JAKMIP1: variants seen among roughly 807,000 people sequenced by gnomAD.
JAKMIP1 encodes janus kinase and microtubule interacting protein 1.
A neutral mutation model predicts 113.0 loss-of-function variants in JAKMIP1; 33 were observed. The observed-to-expected ratio is 0.29, with a 90% confidence interval of 0.22 to 0.39. The LOEUF (loss-of-function observed/expected upper bound fraction) is 0.39, where lower values mean the gene tolerates loss of function less well. JAKMIP1 is among the 10% of genes least tolerant of loss of function. JAKMIP1 has a pLI of 1.00. For missense variants in JAKMIP1, 813 were observed against 1,080.5 expected (o/e 0.75, Z 3.47); for synonymous variants, 480 against 459.9 (o/e 1.04, Z -0.56).
rs1166804679 is a variant in JAKMIP1 at position 6,188,756 on chromosome 4, G to C, written c.-148+11497C>G. ...TTGTGTCTTCAGTCTGAAGTGTCTT[G>C]CATTTGTCCCTATAGAAAAATCCGG... On this transcript the variant is annotated intron_variant, in intron 1 of 20. Coordinates refer to ENST00000409021, the MANE Select transcript of JAKMIP1 (RefSeq NM_001099433.2). The surrounding 1 kb of genome is among the most constrained non-coding windows in gnomAD (Gnocchi z 5.8). 6.6e-6 allele frequency among the ~76,000 whole-genome samples: 1 copy of C among 152,168 alleles called. No homozygotes were observed. Among genetic ancestry groups the C allele is most frequent in the Non-Finnish European group, 1.5e-5 (1 of 68,038 alleles).
At position 6,049,251 on chromosome 4, in the gene JAKMIP1, G is replaced by C. The variant is rs892942387; in HGVS notation, c.1963-329C>G. On this transcript the variant is annotated intron_variant, in intron 15 of 20. Transcript: ENST00000409021. This position sits in a 1 kb window ranked among gnomAD's most constrained non-coding sequence, Gnocchi z 7.0. ...GGGTTTCGCCATGTTGGCCAGGCTG[G>C]TCTCGAACTCCTGACCTCAGGTGAT... Among the ~76,000 whole-genome samples, 4 of 152,186 alleles carry C rather than the reference G, an allele frequency of 2.6e-5. No individual in the cohort carries two copies. The highest frequency in any genetic ancestry group is 5.9e-5 in the Non-Finnish European group (4 of 68,050).
rs1459083920 is a variant in JAKMIP1, at chr4:6,050,837, G to A, written c.1807-158C>T. Among the ~76,000 whole-genome samples, 4 of 152,192 alleles carry A rather than the reference G, an allele frequency of 2.6e-5. No individual in the cohort carries two copies. Among genetic ancestry groups the A allele is most frequent in the Admixed American group, 1.3e-4 (2 of 15,280 alleles). ...AGAAGCAGCCTCGTCCGTGAGCTACGACGTTTTCACGCCTTCCCACGCAGC... is the reference window on the plus strand; with the variant it reads ...AGAAGCAGCCTCGTCCGTGAGCTACAACGTTTTCACGCCTTCCCACGCAGC... On this transcript the variant is annotated intron_variant, in intron 13 of 20. Coordinates refer to ENST00000409021, the MANE Select transcript of JAKMIP1 (RefSeq NM_001099433.2). This position sits in a 1 kb window ranked among gnomAD's most constrained non-coding sequence, Gnocchi z 7.4.
At chr4:6,026,639 T>C (rs1044160648) in intron 20 of JAKMIP1, among the ~76,000 whole-genome samples, 1 of 149,356 alleles carries the variant, frequency 6.7e-6, no homozygotes, top group Non-Finnish European at 1.5e-5. Flanking sequence ...CAGCCGATGG[T>C]CATGGTCAGC....
chr4:6,153,612 C>G lies in JAKMIP1; in HGVS notation c.-147-40615G>C, dbSNP rs573550657. Among the ~76,000 whole-genome samples, 1 of 152,180 alleles carries G rather than the reference C, an allele frequency of 6.6e-6. No homozygotes were observed. Among genetic ancestry groups the G allele is most frequent in the Non-Finnish European group, 1.5e-5 (1 of 68,038 alleles). ...CAGCCCTGACAATCTGGAGAGAGAA[C>G]GTTTTGTGGAAGGCCATCATGTTCC... On this transcript the variant is annotated intron_variant, in intron 1 of 20. Coordinates refer to ENST00000409021, the MANE Select transcript of JAKMIP1 (RefSeq NM_001099433.2). This position sits in a 1 kb window ranked among gnomAD's most constrained non-coding sequence, Gnocchi z 4.9.
In JAKMIP1 at chr4:6,065,222, G is replaced by A. The variant is rs1717896196; in HGVS notation, c.1303-214C>T. Among the ~76,000 whole-genome samples the A allele has an allele frequency of 6.6e-6, 1 of 152,216 alleles. No individual in the cohort carries two copies. Among genetic ancestry groups the A allele is most frequent in the African/African-American group, 2.4e-5 (1 of 41,450 alleles). ...ACCCTAGGGTTTACAGCCTGAGCGA[G>A]CTAGTCTGGCCCTGGTCCTGGCTCT... On this transcript the variant is annotated intron_variant, in intron 8 of 20. Transcript: ENST00000409021. The surrounding 1 kb of genome is among the most constrained non-coding windows in gnomAD (Gnocchi z 5.1).
intron 11 of JAKMIP1, among the ~76,000 whole-genome samples, chr4:6,058,589 A>G (rs1242549850): frequency 6.6e-6 from 1 of 152,232 alleles, no homozygotes; most frequent in Non-Finnish European, 1.5e-5. Flanking sequence ...AATTGGGTCT[A>G]GCTTAGACTG....
chr4:6,039,945 G>A (rs1046976541), intron 18 of JAKMIP1, among the ~76,000 whole-genome samples: 1 of 152,142 alleles, frequency 6.6e-6, no homozygotes, highest in Non-Finnish European at 1.5e-5. Flanking sequence ...AATGATCTGG[G>A]CAGAGATTTG....
intron 8 of JAKMIP1, among the ~76,000 whole-genome samples, chr4:6,075,517 G>A (rs1185381881): frequency 6.6e-6 from 1 of 152,168 alleles, no homozygotes; most frequent in African/African-American, 2.4e-5. Flanking sequence ...AAAAAATGCT[G>A]GTGGGCCCAG....
rs1302987586 is a variant in JAKMIP1 at position 6,157,888 on chromosome 4, G to A, written c.-148+42365C>T. ...TGTCTATTTCCTTTCCTTGGGCTCTGTTAGAACCAAGGGTGTCTTGCTTTG... is the reference window on the plus strand; with the variant it reads ...TGTCTATTTCCTTTCCTTGGGCTCTATTAGAACCAAGGGTGTCTTGCTTTG... On this transcript the variant is annotated intron_variant, in intron 1 of 20. Coordinates refer to ENST00000409021, the MANE Select transcript of JAKMIP1 (RefSeq NM_001099433.2). The surrounding 1 kb of genome is among the most constrained non-coding windows in gnomAD (Gnocchi z 4.7). Among the ~76,000 whole-genome samples the A allele has an allele frequency of 1.3e-5, 2 of 152,224 alleles. No individual in the cohort carries two copies. The highest frequency in any genetic ancestry group is 2.4e-5 in the African/African-American group (1 of 41,464).
intron 1 of JAKMIP1, among the ~76,000 whole-genome samples, chr4:6,195,901 G>A (rs1232033952): frequency 5.3e-5 from 8 of 152,230 alleles, no homozygotes; most frequent in Non-Finnish European, 8.8e-5. Context: ...AAATGGGCGT[G>A]GCTGTGTTCT....
intron 1 of JAKMIP1, among the ~76,000 whole-genome samples, chr4:6,151,700 G>C (rs1317300419): frequency 3.3e-5 from 5 of 152,192 alleles, no homozygotes; most frequent in Non-Finnish European, 5.9e-5. Context: ...TTGAAACTTA[G>C]AGTTGAAGGT....
chr4:6,199,491 G>T lies in JAKMIP1; in HGVS notation c.-148+762C>A, dbSNP rs1022007072. ...GAGGCCGCTGGCCCCGACGCAGGGC[G>T]CCCGGCAAGGTGTCTGGCACCACGA... On this transcript the variant is annotated intron_variant, in intron 1 of 20. Coordinates refer to ENST00000409021, the MANE Select transcript of JAKMIP1 (RefSeq NM_001099433.2). This position sits in a 1 kb window ranked among gnomAD's most constrained non-coding sequence, Gnocchi z 5.6. 6.6e-6 allele frequency among the ~76,000 whole-genome samples: 1 copy of T among 152,166 alleles called. No homozygotes were observed. Among genetic ancestry groups the T allele is most frequent in the Admixed American group, 6.5e-5 (1 of 15,292 alleles).
Position 6,162,376 on chromosome 4 carries a change from A to G in JAKMIP1, c.-148+37877T>C, listed in dbSNP as rs1441214256. Among the ~76,000 whole-genome samples, 1 of 152,174 alleles carries G rather than the reference A, an allele frequency of 6.6e-6. No homozygotes were observed. Among genetic ancestry groups the G allele is most frequent in the African/African-American group, 2.4e-5 (1 of 41,440 alleles). On this transcript the variant is annotated intron_variant, in intron 1 of 20. Transcript: ENST00000409021. This position sits in a 1 kb window ranked among gnomAD's most constrained non-coding sequence, Gnocchi z 5.6. ...AGAGCCTGGGAAACTCTCGGCACCC[A>G]TTTTAGCCCAACCCTGGTCTTTGCT...
rs1050135375 is a variant in JAKMIP1 at position 6,086,075 on chromosome 4, T to C, written c.625-446A>G. Among the ~76,000 whole-genome samples, 1 of 151,812 alleles carries C rather than the reference T, an allele frequency of 6.6e-6. No individual in the cohort carries two copies. The highest frequency in any genetic ancestry group is 1.9e-4 in the East Asian group (1 of 5,146). The stretch of plus-strand genomic sequence containing the variant: ...TCCCCAACCCTCACCACCAGACAGC[T>C]CCTGCCAAGGTCACCAGTGCTCTCC... On this transcript the variant is annotated intron_variant, in intron 3 of 20. Transcript: ENST00000409021. This position sits in a 1 kb window ranked among gnomAD's most constrained non-coding sequence, Gnocchi z 4.1.
chr4:6,172,527 C>T (rs903976757), intron 1 of JAKMIP1, among the ~76,000 whole-genome samples: 4 of 151,928 alleles, frequency 2.6e-5, no homozygotes, highest in Admixed American at 1.3e-4. Context: ...AGAGAGGACA[C>T]GGCCCTGGCC....
chr4:6,182,049 A>G (rs1726088318), intron 1 of JAKMIP1, among the ~76,000 whole-genome samples: 1 of 152,146 alleles, frequency 6.6e-6, no homozygotes, highest in African/African-American at 2.4e-5. Context: ...AAATTGATAC[A>G]TTGAAACCCT....
intron 1 of JAKMIP1, among the ~76,000 whole-genome samples, chr4:6,159,277 C>T (rs539992330): frequency 9.4e-6 from 1 of 106,352 alleles, no homozygotes; most frequent in African/African-American, 3.0e-5. Flanking sequence ...AACAGAGAAA[C>T]CACAAATCTG....
rs372475623 is a variant in JAKMIP1, at chr4:6,137,402, G to A, written c.-147-24405C>T. The stretch of plus-strand genomic sequence containing the variant: ...CTTCGCTGGGAGTCAGGAAATTCAC[G>A]GCTCTGGCCCATGGAACCTTAATCA... On this transcript the variant is annotated intron_variant, in intron 1 of 20. Coordinates refer to ENST00000409021, the MANE Select transcript of JAKMIP1 (RefSeq NM_001099433.2). This position sits in a 1 kb window ranked among gnomAD's most constrained non-coding sequence, Gnocchi z 4.5. 9.8e-5 allele frequency among the ~76,000 whole-genome samples: 15 copies of A among 152,340 alleles called. No homozygotes were observed. Among genetic ancestry groups the A allele is most frequent in the East Asian group, 7.7e-4 (4 of 5,178 alleles).
At chr4:6,039,126 T>A (rs1713963093) in intron 18 of JAKMIP1, among the ~76,000 whole-genome samples, 1 of 152,172 alleles carries the variant, frequency 6.6e-6, no homozygotes, top group South Asian at 2.1e-4. Flanking sequence ...AGTGTGAAGG[T>A]AGCTTCTGTA....
Sources: allele counts gnomAD v4.1 joint callset (sites outside exome capture counted in the v4.1 genomes callset), GRCh38; gene constraint gnomAD v4.1.1; non-coding constraint Gnocchi (gnomAD v3.1); transcripts MANE v1.5; gene names NCBI Gene and HGNC (gene_info 2026-07-23, HGNC 2026-07-21).